Variants in MYT1L observed in about 807,000 individuals in gnomAD.
MYT1L encodes myelin transcription factor 1-like protein.
Under a neutral mutation model 126.7 loss-of-function variants are expected in MYT1L, and 12 were observed. That is an observed-to-expected ratio of 0.09 (90% CI 0.06 to 0.15). The LOEUF is 0.15. MYT1L is among the 10% of genes least tolerant of loss of function. The pLI is 1.00. For missense variants in MYT1L, 979 were observed against 1,585.2 expected (o/e 0.62, Z 6.49); for synonymous variants, 541 against 604.2 (o/e 0.90, Z 1.53).
At chr2:1,954,766 T>TA (rs939623109) in intron 8 of MYT1L, among the ~76,000 whole-genome samples, 3 of 151,980 alleles carry the variant, frequency 2.0e-5, no homozygotes, top group Admixed American at 1.3e-4. Flanking sequence ...ACAAGCTTTA[T>TA]AAAAATGTAT....
At chr2:2,312,906 C>G (rs1390389302) in intron 1 of MYT1L, among the ~76,000 whole-genome samples, 1 of 151,910 alleles carries the variant, frequency 6.6e-6, no homozygotes, top group Non-Finnish European at 1.5e-5. Flanking sequence ...CAGGCTGTCA[C>G]AGAGAGAGAG....
In MYT1L at chr2:1,903,240, A is replaced by C. The variant is rs1289327959; in HGVS notation, c.1872T>G (p.Asn624Lys). ...TGGAACGCGGCGTAGTTGTGGGGAC[A>C]TTGTTTCTGTAGCCATACTGAGGAA... ...LEIPQYGYRN[N>K]VPTTTPRSNL... Residue 624 changes from asparagine (N) to lysine (K), a missense_variant, in exon 14 of 25, where the codon AAT (asparagine) becomes AAG (lysine). Transcript: ENST00000647738. 2 of 1,613,790 alleles carry C rather than the reference A, an allele frequency of 1.2e-6. No homozygotes were observed. The highest frequency in any genetic ancestry group is 1.7e-6 in the Non-Finnish European group (2 of 1,179,836).
At chr2:1,983,401 AT>A (rs2060755359) in intron 5 of MYT1L, among the ~76,000 whole-genome samples, 1 of 152,206 alleles carries the variant, frequency 6.6e-6, no homozygotes, top group South Asian at 2.1e-4. Flanking sequence ...GCTGTTTTAA[AT>A]TTTACATTTA....
At chr2:1,879,870 A>G (rs1222860014) in intron 18 of MYT1L, among the ~76,000 whole-genome samples, 1 of 152,342 alleles carries the variant, frequency 6.6e-6, no homozygotes, top group East Asian at 1.9e-4. Context: ...TTTGTTTGAA[A>G]GTATGCAATA....
rs1468589378 is a variant in MYT1L at position 1,840,789 on chromosome 2, T to C, written c.2829A>G (p.Lys943=). ...KKSGIRIAQS[K]EDKEDQEPIR... ...TGGGTTCTTGATCTTCTTTATCTTC[T>C]TTGCTCTGTGCTATCCTGATACCAC... The change falls in exon 20 of 25, where the codon AAA becomes AAG. Residue 943 remains lysine (K), a synonymous_variant. Coordinates refer to ENST00000647738, the MANE Select transcript of MYT1L (RefSeq NM_001303052.2). The C allele has an allele frequency of 6.4e-7, 1 of 1,550,998 alleles. No homozygotes were observed. The highest frequency in any genetic ancestry group is 2.4e-5 in the East Asian group (1 of 40,930).
intron 3 of MYT1L, among the ~76,000 whole-genome samples, chr2:2,087,877 C>G (rs2076509886): frequency 6.6e-6 from 1 of 152,218 alleles, no homozygotes; most frequent in African/African-American, 2.4e-5. Context: ...AACATGGGAA[C>G]CATTCGCTAT....
chr2:2,028,352 C>A (rs548245730), intron 4 of MYT1L, among the ~76,000 whole-genome samples: 3 of 152,224 alleles, frequency 2.0e-5, no homozygotes, highest in East Asian at 1.9e-4. Context: ...TACACTTATG[C>A]CTAAAGCAGT....
At chr2:1,969,975 T>G (rs2059686674) in intron 8 of MYT1L, among the ~76,000 whole-genome samples, 1 of 152,224 alleles carries the variant, frequency 6.6e-6, no homozygotes, top group South Asian at 2.1e-4. Context: ...TCACACTGAA[T>G]CTTCCAGATG....
chr2:2,263,562 T>G (rs1029494540), intron 2 of MYT1L, among the ~76,000 whole-genome samples: 3 of 152,182 alleles, frequency 2.0e-5, no homozygotes, highest in Admixed American at 6.5e-5. Flanking sequence ...GTGCTGGGGT[T>G]TGCAGCAGTG....
In MYT1L at chr2:1,791,846, T is replaced by C; in HGVS notation, c.*21A>G. 6.5e-7 allele frequency: 1 copy of C among 1,529,198 alleles called. No homozygotes were observed. Among genetic ancestry groups the C allele is most frequent in the South Asian group, 1.3e-5 (1 of 76,846 alleles). 94.7% of individuals were successfully genotyped at this position (1,529,198 alleles called of 1,614,324 possible). A position where few individuals can be genotyped will look rare whatever the true frequency, so the allele number is the denominator to read the frequency against. ...AAGAGGCATCCTTTTTAAGCAAGAG[T>C]TTCATCACTACAGCAGCTGTTCAGA... On this transcript the variant is annotated 3_prime_UTR_variant, in exon 25 of 25. Transcript: ENST00000647738. This position sits in a 1 kb window ranked among gnomAD's most constrained non-coding sequence, Gnocchi z 6.0.
rs1324818095 is a variant in MYT1L at position 1,864,790 on chromosome 2, C to T, written c.2712-13087G>A. Among the ~76,000 whole-genome samples, 5 of 152,116 alleles carry T rather than the reference C, an allele frequency of 3.3e-5. No homozygotes were observed. In the South Asian group the frequency reaches 8.3e-4, roughly 25 times the overall value. On this transcript the variant is annotated intron_variant, in intron 18 of 24. Coordinates refer to ENST00000647738, the MANE Select transcript of MYT1L (RefSeq NM_001303052.2). ...CTTGAAGCCTCCTCAGCAGCCACTT[C>T]GGGGCAGCCTTCATGCTCTACAGGT...
intron 3 of MYT1L, among the ~76,000 whole-genome samples, chr2:2,140,581 C>A (rs2083822008): frequency 6.6e-6 from 1 of 151,798 alleles, no homozygotes; most frequent in Non-Finnish European, 1.5e-5. Context: ...ACTACAGGTG[C>A]CCGCCACCAC....
chr2:1,925,564 C>A (rs967569126), intron 9 of MYT1L, among the ~76,000 whole-genome samples: 11 of 152,200 alleles, frequency 7.2e-5, no homozygotes, highest in African/African-American at 2.6e-4. Context: ...CTTCCCCCGA[C>A]AAAATTAAAA....
chr2:1,889,367 G>C lies in MYT1L; in HGVS notation c.2394C>G (p.Pro798=). Reference sequence around the variant, plus strand: ...GGTTGTTCATCACTGCCTGCTGCTGGGGGGACATGGGCTCCAGAGGGGTCA... The same window carrying C: ...GGTTGTTCATCACTGCCTGCTGCTGCGGGGACATGGGCTCCAGAGGGGTCA... The part of the protein sequence containing the change: ...PILTPLEPMS[P]QQQAVMNNRC... Residue 798 remains proline, a synonymous_variant, in exon 16 of 25, where the codon CCC becomes CCG. Transcript: ENST00000647738. This position sits in a 1 kb window ranked among gnomAD's most constrained non-coding sequence, Gnocchi z 4.1. 4.3e-6 allele frequency: 7 copies of C among 1,613,918 alleles called. No individual in the cohort carries two copies. The highest frequency in any genetic ancestry group is 5.9e-6 in the Non-Finnish European group (7 of 1,179,882).
intron 3 of MYT1L, among the ~76,000 whole-genome samples, chr2:2,069,816 T>C (rs1454990474): frequency 2.5e-4 from 38 of 152,130 alleles, no homozygotes; most frequent in Non-Finnish European, 4.4e-5. Flanking sequence ...CTTTCTCTAA[T>C]GACCAGTGAT....
At chr2:1,976,744 G>A (rs1175138015) in intron 8 of MYT1L, among the ~76,000 whole-genome samples, 1 of 152,172 alleles carries the variant, frequency 6.6e-6, no homozygotes, top group Non-Finnish European at 1.5e-5. Flanking sequence ...AATACATCAA[G>A]GGACACTTCT....
intron 4 of MYT1L, among the ~76,000 whole-genome samples, chr2:2,013,869 C>T (rs548680929): frequency 6.6e-6 from 1 of 152,244 alleles, no homozygotes; most frequent in African/African-American, 2.4e-5. Flanking sequence ...TGCGTCCGCA[C>T]CCGGGCAGTT....
intron 3 of MYT1L, 59 bp from the exon 4 acceptor site, chr2:2,054,182 C>T (rs187915177): frequency 6.5e-6 from 1 of 152,758 alleles, no homozygotes; most frequent in East Asian, 1.9e-4. Context: ...AAGCAAAACT[C>T]TACTTGAGGG....
At chr2:2,232,424 A>G (rs757623814) in intron 2 of MYT1L, among the ~76,000 whole-genome samples, 7 of 152,328 alleles carry the variant, frequency 4.6e-5, no homozygotes, top group Middle Eastern at 3.4e-3. Context: ...TCAGCATTCC[A>G]TGGTGGAAAA....
Sources: gnomAD v4.1 joint callset for allele counts (sites outside exome capture counted in the v4.1 genomes callset) on GRCh38, gnomAD v4.1.1 for gene constraint, Gnocchi (gnomAD v3.1) non-coding constraint, MANE v1.5 for transcripts, NCBI Gene and HGNC (gene_info 2026-07-23, HGNC 2026-07-21) for gene names.